The following WWOX variants were observed in gnomAD, a reference collection of about 807,000 sequenced individuals.
The protein encoded by WWOX is WW domain containing oxidoreductase, also known as WW domain-containing oxidoreductase.
In WWOX, 69 loss-of-function variants were observed where a neutral mutation model predicts 46.2. The observed-to-expected ratio is 1.49, with a 90% CI of 1.23 to 1.82. The LOEUF is 1.82. WWOX is among the 40% of genes most tolerant of loss of function. The probability of loss-of-function intolerance (pLI) is 0.00; values close to 1 mark genes in which losing one functional copy is unlikely to be tolerated. For synonymous variants in WWOX, 359 were observed against 202.6 expected (o/e 1.77, Z -6.56); for missense variants, 919 against 542.6 (o/e 1.69, Z -6.89).
At chr16:78,526,851 G>A (rs2043482320) in intron 8 of WWOX, among the ~76,000 whole-genome samples, 1 of 152,178 alleles carries the variant, frequency 6.6e-6, no homozygotes, top group Non-Finnish European at 1.5e-5. Context: ...AGCCAGCCTG[G>A]CCTGGTCTGG....
chr16:79,126,027 G>T (rs2049746394), intron 8 of WWOX, among the ~76,000 whole-genome samples: 1 of 152,156 alleles, frequency 6.6e-6, no homozygotes. Flanking sequence ...TTTACTGAAT[G>T]AATGGATAAA....
At chr16:78,537,722 A>C (rs1015588569) in intron 8 of WWOX, among the ~76,000 whole-genome samples, 1 of 152,014 alleles carries the variant, frequency 6.6e-6, no homozygotes, top group Non-Finnish European at 1.5e-5. Context: ...GTAGGGGTAG[A>C]CCAGTGCTTC....
chr16:78,403,283 G>C (rs1366788335), intron 6 of WWOX, among the ~76,000 whole-genome samples: 1 of 152,140 alleles, frequency 6.6e-6, no homozygotes. Context: ...CATTAAAACT[G>C]TATAAAGTGT....
chr16:78,338,765 G>T (rs77467956), intron 5 of WWOX, among the ~76,000 whole-genome samples: 1,454 of 120,368 alleles, frequency 0.012, 327 homozygotes, highest in African/African-American at 0.037. Context: ...CTCTTTTTCT[G>T]TTTTCTTCTT....
chr16:78,945,077 G>A (rs531026313), intron 8 of WWOX, among the ~76,000 whole-genome samples: 3 of 152,256 alleles, frequency 2.0e-5, no homozygotes, highest in African/African-American at 7.2e-5. Flanking sequence ...GTACTTGGGA[G>A]GCTGAGGTAA....
intron 8 of WWOX, among the ~76,000 whole-genome samples, chr16:78,556,638 A>G (rs2044303952): frequency 6.6e-6 from 1 of 152,192 alleles, no homozygotes; most frequent in Non-Finnish European, 1.5e-5. Context: ...GAGTTCAACC[A>G]AACGTACCGG....
At chr16:78,441,464 C>T (rs2083442578) in intron 8 of WWOX, among the ~76,000 whole-genome samples, 1 of 152,130 alleles carries the variant, frequency 6.6e-6, no homozygotes, top group African/African-American at 2.4e-5. Flanking sequence ...GGCAAGGAGA[C>T]CTGCTGAGAG....
At chr16:79,020,283 T>C (rs2047505033) in intron 8 of WWOX, among the ~76,000 whole-genome samples, 1 of 152,222 alleles carries the variant, frequency 6.6e-6, no homozygotes, top group Admixed American at 6.5e-5. Context: ...GGGGCAGTCA[T>C]GGAAGACTTC....
intron 8 of WWOX, among the ~76,000 whole-genome samples, chr16:78,707,123 A>T (rs1212686876): frequency 6.6e-6 from 1 of 152,188 alleles, no homozygotes; most frequent in Admixed American, 6.5e-5. Context: ...GCCTTCCTAT[A>T]GTGTTGATTC....
At chr16:78,319,032 A>C (rs552042187) in intron 5 of WWOX, among the ~76,000 whole-genome samples, 1 of 152,192 alleles carries the variant, frequency 6.6e-6, no homozygotes, top group African/African-American at 2.4e-5. Flanking sequence ...TAAAATCAGG[A>C]GATTACCCAG....
chr16:78,335,737 A>G (rs1418729581), intron 5 of WWOX, among the ~76,000 whole-genome samples: 4 of 152,208 alleles, frequency 2.6e-5, no homozygotes, highest in African/African-American at 9.6e-5. Context: ...ATTCTGAGAC[A>G]GACTCATGTT....
chr16:79,071,633 C>T (rs944017804), intron 8 of WWOX, among the ~76,000 whole-genome samples: 1 of 152,244 alleles, frequency 6.6e-6, no homozygotes, highest in Non-Finnish European at 1.5e-5. Context: ...GTCAGTTACT[C>T]TCTGCTGGTT....
chr16:78,532,318 C>G (rs1336102918), intron 8 of WWOX, among the ~76,000 whole-genome samples: 8 of 152,122 alleles, frequency 5.3e-5, no homozygotes, highest in Admixed American at 5.2e-4. Context: ...GACTTCGGTT[C>G]AAGTCCTCTC....
rs115574965 is a variant in WWOX at position 79,112,708 on chromosome 16, G to T, written c.1057-98900G>T. Among the ~76,000 whole-genome samples the T allele has an allele frequency of 5.8e-3, 883 of 152,242 alleles. 10 individuals are homozygous for T. The highest frequency in any genetic ancestry group is 0.02 in the African/African-American group (848 of 41,538). On this transcript the variant is annotated intron_variant, in intron 8 of 8. Coordinates refer to ENST00000566780, the MANE Select transcript of WWOX (RefSeq NM_016373.4). The stretch of plus-strand genomic sequence containing the variant: ...CATTTTCATTAATTTATTCATAGTC[G>T]TAAAGTTTATTGCCTAGAATATAGA...
At chr16:78,872,425 TAAAG>T (rs1223009721) in intron 8 of WWOX, among the ~76,000 whole-genome samples, 2 of 152,236 alleles carry the variant, frequency 1.3e-5, no homozygotes, top group Non-Finnish European at 2.9e-5. Context: ...AGAAGGGAGT[TAAAG>T]GAAAGAAATG....
At chr16:78,853,831 G>A (rs916021344) in intron 8 of WWOX, among the ~76,000 whole-genome samples, 11 of 152,058 alleles carry the variant, frequency 7.2e-5, no homozygotes, top group African/African-American at 2.7e-4. Flanking sequence ...TAATAGCGAA[G>A]CCCTCAGCAA....
chr16:78,201,691 T>TTATG (rs994177298), intron 5 of WWOX, among the ~76,000 whole-genome samples: 7 of 151,144 alleles, frequency 4.6e-5, no homozygotes, highest in African/African-American at 1.7e-4. Flanking sequence ...ATTTATTTAT[T>TTATG]TATTTATTTA....
intron 8 of WWOX, among the ~76,000 whole-genome samples, chr16:78,625,806 C>A: frequency 8.7e-6 from 1 of 115,158 alleles, no homozygotes; most frequent in African/African-American, 3.5e-5. Flanking sequence ...ATGGCAAAAA[C>A]TGCAAAAGTA....
At chr16:78,597,694 C>G (rs2045522891) in intron 8 of WWOX, among the ~76,000 whole-genome samples, 1 of 151,386 alleles carries the variant, frequency 6.6e-6, no homozygotes, top group Admixed American at 6.6e-5. Flanking sequence ...CAGTGATCTT[C>G]TATAACATAA....
Sources: gnomAD v4.1 joint callset for allele counts (sites outside exome capture counted in the v4.1 genomes callset) on GRCh38, gnomAD v4.1.1 for gene constraint, MANE v1.5 for transcripts, NCBI Gene and HGNC (gene_info 2026-07-23, HGNC 2026-07-21) for gene names.